SORBS2: variants seen among roughly 807,000 people sequenced by gnomAD.
SORBS2 encodes the protein sorbin and SH3 domain containing 2.
SORBS2 carries 46 observed loss-of-function variants against 97.7 expected under a neutral mutation model. The observed-to-expected ratio is 0.47, with a 90% CI of 0.37 to 0.60. The LOEUF (loss-of-function observed/expected upper bound fraction) is 0.60, where lower values mean the gene tolerates loss of function less well. Among genes scored for constraint, SORBS2 ranks in the 20% least tolerant of loss-of-function variants. SORBS2 has a pLI of 0.00. For missense variants in SORBS2, 1,316 were observed against 1,282.3 expected (o/e 1.03, Z -0.40); for synonymous variants, 476 against 473.4 (o/e 1.01, Z -0.07).
At chr4:185,839,416 T>C (rs2099210164) in intron 1 of SORBS2, among the ~76,000 whole-genome samples, 5 of 152,290 alleles carry the variant, frequency 3.3e-5, no homozygotes, top group Non-Finnish European at 7.4e-5. Flanking sequence ...CTTACTGCAG[T>C]TCTGAAGACA....
chr4:185,893,854 G>A (rs994966254), intron 1 of SORBS2, among the ~76,000 whole-genome samples: 7 of 152,204 alleles, frequency 4.6e-5, no homozygotes, highest in Non-Finnish European at 7.3e-5. Flanking sequence ...CCCTCAGGAA[G>A]AGCAGATGGG....
intron 1 of SORBS2, among the ~76,000 whole-genome samples, chr4:185,954,063 C>T (rs917508883): frequency 3.9e-4 from 59 of 152,212 alleles, no homozygotes; most frequent in African/African-American, 1.4e-3. Context: ...TTATAATCTG[C>T]CTGTTCTTTT....
intron 2 of SORBS2, chr4:185,771,934 T>C (rs1242309615): frequency 2.6e-5 from 4 of 152,208 alleles, no homozygotes; most frequent in African/African-American, 9.6e-5. Context: ...TGATTTTATG[T>C]TTCCCAATGG....
rs377444343 is a variant in SORBS2, at chr4:185,623,550, C to T, written c.1579G>A (p.Asp527Asn). The change falls in exon 7 of 15, where the codon GAC becomes AAC. Residue 527 changes from aspartate (D) to asparagine (N), a missense_variant. Asp to Asn is a conservative substitution (Grantham distance 23). Coordinates refer to ENST00000418609, the Ensembl canonical transcript of SORBS2. The surrounding 1 kb of genome is among the most constrained non-coding windows in gnomAD (Gnocchi z 6.4). ...GATGTGAAGGAAAAGTGATCAAAGTCACTTTCACTGCAGAAGGATGACCCC... is the reference window on the plus strand; with the variant it reads ...GATGTGAAGGAAAAGTGATCAAAGTTACTTTCACTGCAGAAGGATGACCCC... 5 of 1,614,036 alleles carry T rather than the reference C, an allele frequency of 3.1e-6. No individual in the cohort carries two copies. The East Asian group carries it at 1.1e-4, about 36-fold the overall frequency.
rs769506088 is a variant in SORBS2 at position 185,649,645 on chromosome 4, G to C, written c.103C>G (p.Pro35Ala). Residue 35 changes from proline to alanine, a missense_variant, in exon 3 of 15, where the codon CCA (proline) becomes GCA (alanine). By Grantham distance (27) the Pro-to-Ala change is conservative (BLOSUM62 -1). Transcript: ENST00000418609. ...GGGTGTGACTGAGCACTGTAGGGTG[G>C]GTTGTACAGACCTATCATGACAAAA... 4.8e-6 allele frequency: 7 copies of C among 1,472,628 alleles called. No homozygotes were observed. In the Admixed American group the frequency reaches 1.4e-4, roughly 30 times the overall value. 91.2% of individuals were successfully genotyped at this position (1,472,628 alleles called of 1,614,324 possible).
At chr4:185,665,628 G>A in intron 4 of SORBS2, 1 of 383,870 alleles carries the variant, frequency 2.6e-6, no homozygotes, top group Non-Finnish European at 3.6e-6. Context: ...ATTGGTTTGG[G>A]AATCAACACC....
chr4:185,894,416 A>G (rs2099244012), intron 1 of SORBS2: 1 of 152,148 alleles, frequency 6.6e-6, no homozygotes, highest in South Asian at 2.1e-4. Flanking sequence ...AGTCATTTTT[A>G]TTAGTAGTAA....
At chr4:185,741,393 C>CTTTTTTTTTTTTTT (rs1210677956) in intron 2 of SORBS2, among the ~76,000 whole-genome samples, 7 of 119,544 alleles carry the variant, frequency 5.9e-5, no homozygotes, top group Admixed American at 1.8e-4. Flanking sequence ...TCTTTCTTTT[C>CTTTTTTTTTTTTTT]TTTTTTTTTT....
intron 1 of SORBS2, among the ~76,000 whole-genome samples, chr4:185,819,851 G>C (rs899803847): frequency 2.0e-5 from 3 of 152,136 alleles, no homozygotes; most frequent in Non-Finnish European, 4.4e-5. Context: ...AAGTATACTT[G>C]TTCATTCACT....
intron 2 of SORBS2, among the ~76,000 whole-genome samples, chr4:185,687,524 A>C (rs1430860053): frequency 6.6e-6 from 1 of 152,240 alleles, no homozygotes; most frequent in Non-Finnish European, 1.5e-5. Flanking sequence ...TTGTTAGAAC[A>C]AAGTATTTAT....
intron 4 of SORBS2, among the ~76,000 whole-genome samples, chr4:185,668,200 C>T (rs995327778): frequency 2.3e-4 from 35 of 152,310 alleles, no homozygotes; most frequent in African/African-American, 8.4e-4. Flanking sequence ...ATGTCAAAAG[C>T]TAAAGCGTAT....
intron 1 of SORBS2, among the ~76,000 whole-genome samples, chr4:185,783,630 G>A (rs953832327): frequency 6.6e-6 from 1 of 151,970 alleles, no homozygotes; most frequent in Non-Finnish European, 1.5e-5. Context: ...AAAAAAATGC[G>A]AAGTCTTTGT....
intron 1 of SORBS2, among the ~76,000 whole-genome samples, chr4:185,819,449 T>G (rs6552926): frequency 0.67 from 102,275 of 152,022 alleles, 34,895 homozygotes; most frequent in East Asian, 0.96. Context: ...CTTCTGCTGA[T>G]ATCTCATTGC....
intron 2 of SORBS2, among the ~76,000 whole-genome samples, chr4:185,730,118 A>G (rs1214682933): frequency 1.3e-5 from 2 of 151,950 alleles, no homozygotes; most frequent in Non-Finnish European, 2.9e-5. Flanking sequence ...GCACCTGGCT[A>G]ATTTTTTGTA....
exon 5 of SORBS2, chr4:185,630,598 C>G (rs1437137034): frequency 2.1e-5 from 34 of 1,593,026 alleles, no homozygotes; most frequent in Admixed American, 5.2e-5. Context: ...TACAAGGAGG[C>G]CTGTTAAGAT....
chr4:185,819,500 A>G (rs2099195391), intron 1 of SORBS2, among the ~76,000 whole-genome samples: 1 of 152,256 alleles, frequency 6.6e-6, no homozygotes, highest in Non-Finnish European at 1.5e-5. Context: ...TGGTCTTTTC[A>G]GCCGGACGCC....
chr4:185,895,144 A>G (rs2099244403), intron 1 of SORBS2, among the ~76,000 whole-genome samples: 1 of 152,256 alleles, frequency 6.6e-6, no homozygotes, highest in Non-Finnish European at 1.5e-5. Context: ...CGATAGGCCC[A>G]CCGGGGGCCA....
chr4:185,922,858 G>A (rs2099261565), intron 1 of SORBS2, among the ~76,000 whole-genome samples: 1 of 152,146 alleles, frequency 6.6e-6, no homozygotes, highest in Non-Finnish European at 1.5e-5. Flanking sequence ...GAAGACCTAG[G>A]AAATATAGTA....
chr4:185,651,892 G>A, intron 2 of SORBS2, 64 bp from the exon 11 acceptor site: 1 of 813,376 alleles, frequency 1.2e-6, no homozygotes, highest in Non-Finnish European at 2.1e-6. Flanking sequence ...CGAGACAGCA[G>A]AACTTCAGAC....
Sources: allele counts gnomAD v4.1 joint callset (sites outside exome capture counted in the v4.1 genomes callset), GRCh38; gene constraint gnomAD v4.1.1; non-coding constraint Gnocchi (gnomAD v3.1); transcripts MANE v1.5; gene names NCBI Gene and HGNC (gene_info 2026-07-23, HGNC 2026-07-21).